The following TMEM108 variants were observed in gnomAD, a reference collection of about 807,000 sequenced individuals.
The protein encoded by TMEM108 is cancer/testis antigen 124.
Under a neutral mutation model 35.1 loss-of-function variants are expected in TMEM108, and 12 were observed. That is an observed-to-expected ratio of 0.34 (90% confidence interval 0.22 to 0.55). The LOEUF is 0.55. Among genes scored for constraint, TMEM108 ranks in the 20% least tolerant of loss-of-function variants. The probability of loss-of-function intolerance (pLI) is 0.89; values close to 1 mark genes in which losing one functional copy is unlikely to be tolerated. For missense variants in TMEM108, 680 were observed against 753.3 expected (o/e 0.90, Z 1.14); for synonymous variants, 287 against 308.6 (o/e 0.93, Z 0.73).
At chr3:133,266,815 G>A (rs1946703128) in intron 3 of TMEM108, among the ~76,000 whole-genome samples, 1 of 151,054 alleles carries the variant, frequency 6.6e-6, no homozygotes, top group East Asian at 2.0e-4. Flanking sequence ...GCTCATGCCT[G>A]TAATCCCAGC....
intron 3 of TMEM108, among the ~76,000 whole-genome samples, chr3:133,354,385 A>G (rs2072098361): frequency 6.6e-6 from 1 of 152,158 alleles, no homozygotes; most frequent in Non-Finnish European, 1.5e-5. Flanking sequence ...CTGAGACTCT[A>G]GCCACATTAC....
rs1486077781 is a variant in TMEM108, at chr3:133,386,515, G to T, written c.1451-3665G>T. The T allele has an allele frequency of 2.0e-6, 3 of 1,534,052 alleles. No homozygotes were observed. In the African/African-American group the frequency reaches 4.1e-5, roughly 21 times the overall value. The stretch of plus-strand genomic sequence containing the variant: ...AAATGGAGTGACCCCTCTTCTTCCT[G>T]TCACACATCTGACAAGCCATGGATG... On this transcript the variant is annotated intron_variant, in intron 4 of 5. Transcript: ENST00000321871.
chr3:133,334,120 A>G (rs749373147), intron 3 of TMEM108, among the ~76,000 whole-genome samples: 3 of 152,186 alleles, frequency 2.0e-5, no homozygotes, highest in Non-Finnish European at 4.4e-5. Flanking sequence ...TCCTGGGGAA[A>G]AAAAAAGAAA....
At chr3:133,134,447 T>C (rs1446769046) in intron 2 of TMEM108, among the ~76,000 whole-genome samples, 4 of 152,166 alleles carry the variant, frequency 2.6e-5, no homozygotes, top group Non-Finnish European at 5.9e-5. Flanking sequence ...TTAATTGCCA[T>C]GTGTGATATA....
chr3:133,295,147 T>A (rs1202619439), intron 3 of TMEM108, among the ~76,000 whole-genome samples: 1 of 152,240 alleles, frequency 6.6e-6, no homozygotes, highest in African/African-American at 2.4e-5. Context: ...AGCACTTTTT[T>A]AAATGTTTAT....
chr3:133,307,036 GTTTCCTGACTTTTTAATGA>G (rs1318436249), intron 3 of TMEM108, among the ~76,000 whole-genome samples: 27 of 152,132 alleles, frequency 1.8e-4, no homozygotes, highest in Admixed American at 1.6e-3. Flanking sequence ...AGCATCTGTT[GTTTCCTGACTTTTTAATGA>G]TTGCCATTCT....
At chr3:133,290,584 A>G (rs1947049554) in intron 3 of TMEM108, among the ~76,000 whole-genome samples, 2 of 152,110 alleles carry the variant, frequency 1.3e-5, no homozygotes, top group Admixed American at 1.3e-4. Flanking sequence ...TAGTGCCACT[A>G]CATTCCAGCC....
chr3:133,102,004 C>G (rs1944094752), intron 2 of TMEM108, among the ~76,000 whole-genome samples: 1 of 152,194 alleles, frequency 6.6e-6, no homozygotes, highest in Non-Finnish European at 1.5e-5. Context: ...GCTATTCTAT[C>G]TAGCTTTATA....
intron 3 of TMEM108, among the ~76,000 whole-genome samples, chr3:133,277,635 G>A (rs1443266750): frequency 2.0e-5 from 3 of 152,286 alleles, no homozygotes; most frequent in Non-Finnish European, 2.9e-5. Context: ...CTGGCATTCC[G>A]CCGGGCACCG....
At chr3:133,092,638 A>G (rs1008872770) in intron 2 of TMEM108, among the ~76,000 whole-genome samples, 43 of 152,280 alleles carry the variant, frequency 2.8e-4, no homozygotes, top group African/African-American at 9.9e-4. Context: ...CTTAAGATTA[A>G]ATCCTAAAAT....
intron 2 of TMEM108, among the ~76,000 whole-genome samples, chr3:133,209,436 T>C (rs1021274469): frequency 2.0e-5 from 3 of 152,026 alleles, no homozygotes; most frequent in Non-Finnish European, 4.4e-5. Flanking sequence ...TATAGAGTGG[T>C]TTTTGACAAG....
chr3:133,362,250 G>A (rs984374983), intron 3 of TMEM108, among the ~76,000 whole-genome samples: 1 of 152,200 alleles, frequency 6.6e-6, no homozygotes, highest in Non-Finnish European at 1.5e-5. Flanking sequence ...AAAGATGCCT[G>A]CAAATACACA....
At chr3:133,243,846 C>G (rs1002177143) in intron 3 of TMEM108, among the ~76,000 whole-genome samples, 15 of 152,052 alleles carry the variant, frequency 9.9e-5, no homozygotes, top group African/African-American at 3.4e-4. Flanking sequence ...TAATGAGTGT[C>G]GTAGGTTGGG....
intron 2 of TMEM108, among the ~76,000 whole-genome samples, chr3:133,134,583 CTTGT>C (rs1944538584): frequency 6.6e-6 from 1 of 151,758 alleles, no homozygotes. Context: ...CTTGCTGTCT[CTTGT>C]TTTTTTTTAA....
intron 3 of TMEM108, among the ~76,000 whole-genome samples, chr3:133,328,939 G>A (rs938800873): frequency 1.1e-4 from 16 of 152,064 alleles, no homozygotes; most frequent in East Asian, 7.7e-4. Flanking sequence ...CAGTCTCATC[G>A]TGCTAAATCC....
chr3:133,164,624 G>T (rs1033752770), intron 2 of TMEM108, among the ~76,000 whole-genome samples: 1 of 152,160 alleles, frequency 6.6e-6, no homozygotes, highest in East Asian at 1.9e-4. Flanking sequence ...CATGAATCCT[G>T]TGTACCAGAC....
At chr3:133,170,891 C>G (rs970971660) in intron 2 of TMEM108, among the ~76,000 whole-genome samples, 5 of 152,114 alleles carry the variant, frequency 3.3e-5, no homozygotes, top group African/African-American at 1.2e-4. Context: ...TTGCCTACCC[C>G]TAGAGAATCA....
intron 3 of TMEM108, among the ~76,000 whole-genome samples, chr3:133,333,210 C>T (rs1024555091): frequency 2.6e-5 from 4 of 152,128 alleles, no homozygotes; most frequent in African/African-American, 9.7e-5. Context: ...ACAACACACC[C>T]TTGGATGTTC....
At chr3:133,363,489 G>A (rs1210845956) in intron 3 of TMEM108, among the ~76,000 whole-genome samples, 7 of 150,952 alleles carry the variant, frequency 4.6e-5, no homozygotes, top group South Asian at 4.2e-4. Flanking sequence ...ACAGTTCACC[G>A]CAGCCTCCTG....
Sources: gnomAD v4.1 joint callset for allele counts (sites outside exome capture counted in the v4.1 genomes callset) on GRCh38, gnomAD v4.1.1 for gene constraint, MANE v1.5 for transcripts, NCBI Gene and HGNC (gene_info 2026-07-23, HGNC 2026-07-21) for gene names.